MACROD2: variants seen among roughly 807,000 people sequenced by gnomAD.
MACROD2 encodes the protein mono-ADP ribosylhydrolase 2.
In MACROD2, 36 loss-of-function variants were observed where a neutral mutation model predicts 70.4. The ratio of observed to expected loss-of-function variants is 0.51; its 90% CI spans 0.39 to 0.68. The LOEUF is 0.68. Ranked by LOEUF, MACROD2 falls within the 30% of genes least tolerant of loss-of-function variation. The pLI is 0.00. For synonymous variants in MACROD2, 172 were observed against 178.8 expected (o/e 0.96, Z 0.30); for missense variants, 496 against 538.4 (o/e 0.92, Z 0.78).
At chr20:16,025,439 T>A (rs1347088466) in intron 15 of MACROD2, among the ~76,000 whole-genome samples, 1 of 152,192 alleles carries the variant, frequency 6.6e-6, no homozygotes, top group East Asian at 1.9e-4. Flanking sequence ...TACCTGGAGA[T>A]AACAGCAGTC....
chr20:14,273,905 T>C (rs1274802332), intron 3 of MACROD2, among the ~76,000 whole-genome samples: 4 of 151,988 alleles, frequency 2.6e-5, no homozygotes, highest in African/African-American at 9.7e-5. Context: ...AAGAAATGGA[T>C]AAATTCCTCG....
At chr20:14,402,181 C>G (rs2083644669) in intron 3 of MACROD2, among the ~76,000 whole-genome samples, 1 of 152,034 alleles carries the variant, frequency 6.6e-6, no homozygotes, top group Non-Finnish European at 1.5e-5. Context: ...AATTTGTTGC[C>G]TGGAATTAAA....
intron 7 of MACROD2, among the ~76,000 whole-genome samples, chr20:15,480,205 C>A (rs574883045): frequency 1.3e-5 from 2 of 152,186 alleles, no homozygotes; most frequent in South Asian, 4.1e-4. Flanking sequence ...AAATGTTGGC[C>A]CAACTCTATT....
chr20:14,029,039 C>G (rs1379917348), intron 2 of MACROD2, among the ~76,000 whole-genome samples: 5 of 152,154 alleles, frequency 3.3e-5, no homozygotes, highest in Non-Finnish European at 7.3e-5. Flanking sequence ...AATGCTGGCA[C>G]TTTCTTCATG....
chr20:15,745,445 G>A (rs1464248088), intron 8 of MACROD2, among the ~76,000 whole-genome samples: 1 of 152,030 alleles, frequency 6.6e-6, no homozygotes, highest in East Asian at 1.9e-4. Flanking sequence ...CTTTAGGATG[G>A]TCAACCTTCT....
chr20:14,554,008 C>T (rs1032440412), intron 4 of MACROD2, among the ~76,000 whole-genome samples: 3 of 152,112 alleles, frequency 2.0e-5, no homozygotes, highest in Admixed American at 6.6e-5. Flanking sequence ...CTTGAATGGG[C>T]CATTTCCCAG....
intron 8 of MACROD2, among the ~76,000 whole-genome samples, chr20:15,780,900 A>G (rs1444609601): frequency 6.6e-6 from 1 of 152,042 alleles, no homozygotes; most frequent in South Asian, 2.1e-4. Context: ...TGGTGACATT[A>G]TTTACTGAGA....
chr20:15,465,101 C>T (rs2046867859), intron 7 of MACROD2, among the ~76,000 whole-genome samples: 1 of 152,030 alleles, frequency 6.6e-6, no homozygotes, highest in Admixed American at 6.6e-5. Flanking sequence ...TTTCAATACT[C>T]TATATAGGTA....
intron 3 of MACROD2, among the ~76,000 whole-genome samples, chr20:14,372,905 A>C (rs914530974): frequency 1.3e-5 from 2 of 152,132 alleles, no homozygotes; most frequent in Non-Finnish European, 2.9e-5. Context: ...ATGGCTTTAT[A>C]ACTGTGTGTC....
intron 5 of MACROD2, among the ~76,000 whole-genome samples, chr20:14,703,066 T>C (rs1406929907): frequency 6.6e-6 from 1 of 152,096 alleles, no homozygotes. Flanking sequence ...TAGTGATCTA[T>C]CTAGCTATAA....
chr20:15,984,158 G>C (rs1240200668), intron 13 of MACROD2, among the ~76,000 whole-genome samples: 1 of 151,974 alleles, frequency 6.6e-6, no homozygotes, highest in African/African-American at 2.4e-5. Context: ...GCAGGTTGAT[G>C]CTTTAAGAAA....
At chr20:15,798,087 A>G (rs1568567117) in intron 8 of MACROD2, among the ~76,000 whole-genome samples, 2 of 152,264 alleles carry the variant, frequency 1.3e-5, no homozygotes, top group African/African-American at 4.8e-5. Context: ...TTACAAAAAC[A>G]GATGTGCACT....
At chr20:15,235,767 C>A (rs751746025) in intron 6 of MACROD2, among the ~76,000 whole-genome samples, 2 of 152,212 alleles carry the variant, frequency 1.3e-5, no homozygotes, top group Non-Finnish European at 2.9e-5. Context: ...AAGAACACGT[C>A]TGCAGCCTTA....
In MACROD2 at chr20:15,770,084, A is replaced by ATTTTTT. The variant is rs1234797549; in HGVS notation, c.646-92657_646-92656insTTTTTT. ...AAATTTATTTTTTTAATTTATTTTA[A>ATTTTTT]TTTTCTTTTTTTTTTTTTTTTTTTT... is the stretch of plus-strand genomic sequence containing the variant. On this transcript the variant is annotated intron_variant, in intron 8 of 17. Transcript: ENST00000684519. Among the ~76,000 whole-genome samples the ATTTTTT allele has an allele frequency of 3.2e-4, 40 of 125,728 alleles. 2 individuals carry two copies. The highest frequency in any genetic ancestry group is 1.2e-3 in the African/African-American group (37 of 30,712). 82.5% of individuals were successfully genotyped at this position (125,728 alleles called of 152,430 possible). A position where few individuals can be genotyped will look rare whatever the true frequency, so the allele number is the denominator to read the frequency against.
At position 15,709,981 on chromosome 20, in the gene MACROD2, C is replaced by T. The variant is rs540859406; in HGVS notation, c.646-152764C>T. Among the ~76,000 whole-genome samples the T allele has an allele frequency of 2.0e-3, 302 of 152,230 alleles. 2 individuals are homozygous for T. The highest frequency in any genetic ancestry group is 4.0e-3 in the Non-Finnish European group (274 of 68,014). On this transcript the variant is annotated intron_variant, in intron 8 of 17. Transcript: ENST00000684519. ...AGCCTCTAGTAACCACTGTTCTACT[C>T]TCTACTTCTATAAGGTCAACTTTTT...
intron 3 of MACROD2, among the ~76,000 whole-genome samples, chr20:14,112,317 T>C (rs1375850392): frequency 6.6e-6 from 1 of 151,996 alleles, no homozygotes; most frequent in Admixed American, 6.6e-5. Flanking sequence ...ACAGAGTGAC[T>C]ATAGTCAATA....
intron 8 of MACROD2, among the ~76,000 whole-genome samples, chr20:15,754,633 G>GAAA (rs1396739172): frequency 1.4e-5 from 1 of 69,502 alleles, no homozygotes; most frequent in Non-Finnish European, 3.1e-5. Context: ...CTCTAAAAAA[G>GAAA]AAAAAAAAAA....
At chr20:16,001,685 A>T (rs1376417346) in intron 15 of MACROD2, among the ~76,000 whole-genome samples, 1 of 151,966 alleles carries the variant, frequency 6.6e-6, no homozygotes, top group Non-Finnish European at 1.5e-5. Context: ...TCAAAGGAGA[A>T]TTTTTTTTCC....
intron 5 of MACROD2, among the ~76,000 whole-genome samples, chr20:15,101,195 A>G (rs1390223320): frequency 6.6e-6 from 1 of 152,172 alleles, no homozygotes; most frequent in African/African-American, 2.4e-5. Flanking sequence ...CAGAGATAGT[A>G]AAATGGATAT....
Sources: gnomAD v4.1 joint callset for allele counts (sites outside exome capture counted in the v4.1 genomes callset) on GRCh38, gnomAD v4.1.1 for gene constraint, MANE v1.5 for transcripts, NCBI Gene and HGNC (gene_info 2026-07-23, HGNC 2026-07-21) for gene names.